The following CTBP1 variants were observed in gnomAD, a reference collection of about 807,000 sequenced individuals.
The protein encoded by CTBP1 is C-terminal binding protein 1.
A neutral mutation model predicts 42.1 loss-of-function variants in CTBP1; 11 were observed. The observed-to-expected ratio is 0.26, with a 90% confidence interval of 0.16 to 0.43. The LOEUF is 0.43. Ranked by LOEUF, CTBP1 falls within the 20% of genes least tolerant of loss-of-function variation. The probability of loss-of-function intolerance (pLI) is 1.00; values close to 1 mark genes in which losing one functional copy is unlikely to be tolerated. For missense variants in CTBP1, 399 were observed against 624.3 expected (o/e 0.64, Z 3.85); for synonymous variants, 324 against 277.1 (o/e 1.17, Z -1.68).
intron 1 of CTBP1, chr4:1,242,229 G>C: frequency 1.0e-6 from 1 of 985,450 alleles, no homozygotes; most frequent in African/African-American, 1.7e-5. Flanking sequence ...CCTTCCAGTA[G>C]AGGCTTGAGA....
chr4:1,248,684 A>C (rs1440256025), intron 1 of CTBP1: 1 of 980,026 alleles, frequency 1.0e-6, no homozygotes, highest in South Asian at 4.7e-5. Flanking sequence ...GGGCGGGGAG[A>C]GCAGACTGCG....
upstream of CTBP1, chr4:1,250,006 A>G (rs74987021): frequency 4.3e-3 from 697 of 160,402 alleles, 29 homozygotes; most frequent in East Asian, 0.09. Flanking sequence ...GCCCAGGGAT[A>G]TTCCTCGCGC....
At chr4:1,247,870 C>A (rs1189849634) in intron 1 of CTBP1, among the ~76,000 whole-genome samples, 2 of 152,236 alleles carry the variant, frequency 1.3e-5, no homozygotes, top group African/African-American at 4.8e-5. Context: ...CCTCCCCACT[C>A]AGGGCACCGG....
intron 1 of CTBP1, chr4:1,248,604 G>C: frequency 1.2e-6 from 1 of 867,876 alleles, no homozygotes; most frequent in Non-Finnish European, 1.4e-6. Context: ...GGCTGGGGTC[G>C]GTGGAGCTGG....
At chr4:1,227,859 A>T (rs141769198) in intron 4 of CTBP1, among the ~76,000 whole-genome samples, 1 of 152,340 alleles carries the variant, frequency 6.6e-6, no homozygotes, top group Non-Finnish European at 1.5e-5. Context: ...ACAGAGACCT[A>T]TGAGCCCTAT....
In CTBP1 at chr4:1,240,983, A is replaced by G. The variant is rs143821857; in HGVS notation, c.7+342T>C. Among the ~76,000 whole-genome samples, 537 of 152,274 alleles carry G rather than the reference A, an allele frequency of 3.5e-3. 4 individuals are homozygous for G. Among genetic ancestry groups the G allele is most frequent in the African/African-American group, 0.012 (507 of 41,550 alleles). ...CTGCTCCTGGGCCAGCCGGGTGGACACCTGAGATTTCCAGGGTTCCGTGTG... is the reference window on the plus strand; with the variant it reads ...CTGCTCCTGGGCCAGCCGGGTGGACGCCTGAGATTTCCAGGGTTCCGTGTG... On this transcript the variant is annotated intron_variant, in intron 2 of 9. Transcript: ENST00000382952.
chr4:1,246,785 C>G (rs1047083756), intron 1 of CTBP1, among the ~76,000 whole-genome samples: 1 of 152,220 alleles, frequency 6.6e-6, no homozygotes, highest in African/African-American at 2.4e-5. Context: ...CTGGGCCTCT[C>G]GAGCCTGGGG....
intron 1 of CTBP1, chr4:1,244,017 CA>C: frequency 2.0e-6 from 2 of 985,434 alleles, no homozygotes; most frequent in Non-Finnish European, 2.4e-6. Flanking sequence ...TGCTCTAAAA[CA>C]AAAACTGATT....
intron 3 of CTBP1, chr4:1,237,957 G>A (rs1185171800): frequency 1.5e-5 from 11 of 710,798 alleles, no homozygotes; most frequent in East Asian, 5.4e-5. Flanking sequence ...GGAAAACCCC[G>A]TGTCCACCTC....
At chr4:1,228,422 G>T in intron 3 of CTBP1, 79 bp from the exon 4 acceptor site, 2 of 1,523,684 alleles carry the variant, frequency 1.3e-6, no homozygotes, top group Non-Finnish European at 1.8e-6. Flanking sequence ...GGCTGCCCCG[G>T]CTGGGAAATT....
At chr4:1,248,654 G>C (rs1269799788) in intron 1 of CTBP1, 17 of 982,500 alleles carry the variant, frequency 1.7e-5, no homozygotes, top group African/African-American at 1.8e-5. Context: ...AGGCCCTTTT[G>C]TGTCACCTGC....
intron 7 of CTBP1, 75 bp from the exon 8 acceptor site, chr4:1,213,680 G>A (rs1024953876): frequency 1.2e-5 from 18 of 1,544,080 alleles, no homozygotes; most frequent in Admixed American, 1.9e-5. Flanking sequence ...GCTGGGCACT[G>A]GAACCCCCTG....
chr4:1,214,837 C>G (rs910630246), intron 6 of CTBP1, among the ~76,000 whole-genome samples: 1 of 152,232 alleles, frequency 6.6e-6, no homozygotes, highest in Non-Finnish European at 1.5e-5. Flanking sequence ...CCTCAGCCCA[C>G]GAGGTGGGAC....
At chr4:1,224,381 C>T (rs554359910) in intron 5 of CTBP1, among the ~76,000 whole-genome samples, 1 of 147,990 alleles carries the variant, frequency 6.8e-6, no homozygotes, top group Non-Finnish European at 1.5e-5. Context: ...CGTGTGATGT[C>T]TATGCAGGCC....
intron 3 of CTBP1, chr4:1,236,532 C>T (rs929863390): frequency 3.5e-5 from 22 of 620,040 alleles, no homozygotes; most frequent in Middle Eastern, 3.1e-4. Flanking sequence ...AGGGCAAACC[C>T]GGTGTCCACC....
At chr4:1,214,021 C>A (rs531660818) in intron 7 of CTBP1, 2 of 426,090 alleles carry the variant, frequency 4.7e-6, no homozygotes, top group African/African-American at 4.2e-5. Flanking sequence ...CAGGTCTGGA[C>A]GGGATGCCAT....
At chr4:1,248,686 CA>C in intron 1 of CTBP1, 1 of 982,006 alleles carries the variant, frequency 1.0e-6, no homozygotes, top group Non-Finnish European at 1.2e-6. Flanking sequence ...GCGGGGAGAG[CA>C]GACTGCGGCG....
chr4:1,213,166 G>A (rs1003887097), intron 8 of CTBP1, 136 bp from the exon 9 acceptor site: 30 of 824,438 alleles, frequency 3.6e-5, no homozygotes, highest in Admixed American at 3.5e-4. Flanking sequence ...CCCAAGGCAC[G>A]GCAGGGTCCT....
intron 3 of CTBP1, among the ~76,000 whole-genome samples, chr4:1,228,890 A>G (rs894038157): frequency 6.6e-6 from 1 of 152,230 alleles, no homozygotes; most frequent in Non-Finnish European, 1.5e-5. Flanking sequence ...GTAAGGATAC[A>G]TCCACAGGAG....
Sources: allele counts gnomAD v4.1 joint callset (sites outside exome capture counted in the v4.1 genomes callset), GRCh38; gene constraint gnomAD v4.1.1; transcripts MANE v1.5; gene names NCBI Gene and HGNC (gene_info 2026-07-23, HGNC 2026-07-21).